ARHGAP15: variants seen among roughly 807,000 people sequenced by gnomAD.
ARHGAP15 encodes rho GTPase-activating protein 15.
Under a neutral mutation model 63.7 loss-of-function variants are expected in ARHGAP15, and 51 were observed. The ratio of observed to expected loss-of-function variants is 0.80; its 90% CI spans 0.64 to 1.01. ARHGAP15 has a LOEUF of 1.01. ARHGAP15 is among the 50% of genes least tolerant of loss of function. ARHGAP15 has a pLI of 0.00. For synonymous variants in ARHGAP15, 191 were observed against 193.8 expected (o/e 0.99, Z 0.12); for missense variants, 560 against 564.6 (o/e 0.99, Z 0.08).
intron 10 of ARHGAP15, among the ~76,000 whole-genome samples, chr2:143,532,796 A>G (rs185355134): frequency 3.9e-5 from 6 of 152,036 alleles, no homozygotes; most frequent in Admixed American, 6.5e-5. Context: ...GTGTAGATAT[A>G]CCAAAGGATC....
intron 12 of ARHGAP15, among the ~76,000 whole-genome samples, chr2:143,651,486 T>C (rs1229627023): frequency 6.6e-6 from 1 of 151,990 alleles, no homozygotes. Flanking sequence ...TGATAGACAT[T>C]TGGAGTGGTC....
At chr2:143,326,158 G>A (rs770716527) in intron 6 of ARHGAP15, among the ~76,000 whole-genome samples, 11 of 152,108 alleles carry the variant, frequency 7.2e-5, no homozygotes, top group South Asian at 2.1e-4. Context: ...ACAGAAAAAC[G>A]TCACTGGGGA....
intron 11 of ARHGAP15, among the ~76,000 whole-genome samples, chr2:143,615,578 A>G (rs1698422606): frequency 6.6e-6 from 1 of 152,160 alleles, no homozygotes; most frequent in Non-Finnish European, 1.5e-5. Context: ...ACTTCTATAT[A>G]TGCATTTTTG....
chr2:143,321,923 CT>C (rs1180733660), intron 6 of ARHGAP15, among the ~76,000 whole-genome samples: 1 of 152,180 alleles, frequency 6.6e-6, no homozygotes, highest in Non-Finnish European at 1.5e-5. Context: ...AGCAATCCTC[CT>C]GCCTTGGCCA....
At chr2:143,306,883 A>G (rs1683198542) in intron 6 of ARHGAP15, among the ~76,000 whole-genome samples, 1 of 152,060 alleles carries the variant, frequency 6.6e-6, no homozygotes, top group South Asian at 2.1e-4. Flanking sequence ...AACAACACAC[A>G]TTTATAATTT....
intron 10 of ARHGAP15, among the ~76,000 whole-genome samples, chr2:143,533,890 C>A (rs1294831340): frequency 6.6e-6 from 1 of 152,120 alleles, no homozygotes; most frequent in Non-Finnish European, 1.5e-5. Flanking sequence ...GTTAAGTCTG[C>A]CATAGTTCAA....
intron 6 of ARHGAP15, among the ~76,000 whole-genome samples, chr2:143,306,013 C>T (rs916856519): frequency 2.0e-5 from 3 of 152,026 alleles, no homozygotes; most frequent in Admixed American, 6.6e-5. Flanking sequence ...GAGGTACTTA[C>T]GTTGAATTTT....
intron 5 of ARHGAP15, among the ~76,000 whole-genome samples, chr2:143,234,339 G>C (rs1693558799): frequency 6.6e-6 from 1 of 152,016 alleles, no homozygotes; most frequent in Admixed American, 6.6e-5. Context: ...TGTTTCTGCT[G>C]GTTCTTATGT....
intron 8 of ARHGAP15, among the ~76,000 whole-genome samples, chr2:143,486,194 C>A (rs1297481409): frequency 6.6e-6 from 1 of 152,044 alleles, no homozygotes; most frequent in Non-Finnish European, 1.5e-5. Flanking sequence ...ATTATGTCAA[C>A]AATTGAATGA....
intron 2 of ARHGAP15, among the ~76,000 whole-genome samples, chr2:143,194,632 C>T (rs1238963839): frequency 6.6e-6 from 1 of 152,056 alleles, no homozygotes; most frequent in Admixed American, 6.6e-5. Context: ...TGGTTCTTAT[C>T]TTAAAAGCCG....
chr2:143,226,416 T>C (rs1182514524), intron 4 of ARHGAP15, among the ~76,000 whole-genome samples: 2 of 152,218 alleles, frequency 1.3e-5, no homozygotes, highest in South Asian at 2.1e-4. Flanking sequence ...AGGTTAAATA[T>C]GGATTCTTCG....
chr2:143,346,252 A>ACACACT (rs1685294514), intron 6 of ARHGAP15, among the ~76,000 whole-genome samples: 2 of 127,404 alleles, frequency 1.6e-5, no homozygotes, highest in Non-Finnish European at 3.6e-5. Context: ...ACACACACTC[A>ACACACT]CACACACACA....
At chr2:143,500,173 TTCAAA>T (rs1403652844) in intron 9 of ARHGAP15, among the ~76,000 whole-genome samples, 2 of 151,476 alleles carry the variant, frequency 1.3e-5, no homozygotes, top group Admixed American at 6.6e-5. Flanking sequence ...CCTTTCTGTT[TTCAAA>T]TGTCTCTTAG....
chr2:143,555,907 GAAT>G (rs1695773162), intron 10 of ARHGAP15, among the ~76,000 whole-genome samples: 3 of 148,718 alleles, frequency 2.0e-5, no homozygotes, highest in South Asian at 4.3e-4. Flanking sequence ...GAATAGAATA[GAAT>G]AGAATAGAAT....
intron 12 of ARHGAP15, among the ~76,000 whole-genome samples, chr2:143,664,429 G>A (rs1682032508): frequency 6.6e-6 from 1 of 151,742 alleles, no homozygotes; most frequent in East Asian, 1.9e-4. Context: ...TGTGTAGAGG[G>A]AAATTTATAG....
At chr2:143,131,199 CA>C (rs1466541747) in intron 1 of ARHGAP15, among the ~76,000 whole-genome samples, 2 of 151,980 alleles carry the variant, frequency 1.3e-5, no homozygotes. Flanking sequence ...TTAGAAAGAT[CA>C]ATGAGTAAAG....
chr2:143,347,291 A>T (rs1685342161), intron 6 of ARHGAP15, among the ~76,000 whole-genome samples: 2 of 152,134 alleles, frequency 1.3e-5, no homozygotes, highest in African/African-American at 4.8e-5. Context: ...TGGTACCACA[A>T]ATGTGTTTCC....
At chr2:143,354,621 CTCA>C (rs1417472006) in intron 6 of ARHGAP15, among the ~76,000 whole-genome samples, 2 of 151,998 alleles carry the variant, frequency 1.3e-5, no homozygotes, top group African/African-American at 2.4e-5. Context: ...AGCATTTTAG[CTCA>C]TCATGATATG....
At chr2:143,294,158 C>T (rs1453434579) in intron 6 of ARHGAP15, among the ~76,000 whole-genome samples, 1 of 152,032 alleles carries the variant, frequency 6.6e-6, no homozygotes, top group East Asian at 1.9e-4. Context: ...TTCTTACATA[C>T]TCTGGAACCC....
Sources: gnomAD v4.1 joint callset for allele counts (sites outside exome capture counted in the v4.1 genomes callset) on GRCh38, gnomAD v4.1.1 for gene constraint, MANE v1.5 for transcripts, NCBI Gene and HGNC (gene_info 2026-07-23, HGNC 2026-07-21) for gene names.